RCAN2: variants seen among roughly 807,000 people sequenced by gnomAD.
The protein encoded by RCAN2 is calcipressin-2.
A neutral mutation model predicts 23.6 loss-of-function variants in RCAN2; 9 were observed. That is an observed-to-expected ratio of 0.38 (90% CI 0.23 to 0.67). The LOEUF (loss-of-function observed/expected upper bound fraction) is 0.67, where lower values mean the gene tolerates loss of function less well. Among genes scored for constraint, RCAN2 ranks in the 30% least tolerant of loss-of-function variants. RCAN2 has a pLI of 0.51. For missense variants in RCAN2, 273 were observed against 302.3 expected, an observed-to-expected ratio of 0.90 and a Z score of 0.72; for synonymous variants, 109 against 115.7, an observed-to-expected ratio of 0.94 and a Z score of 0.37.
intron 2 of RCAN2, among the ~76,000 whole-genome samples, chr6:46,404,735 G>C (rs545909208): frequency 6.6e-6 from 1 of 152,310 alleles, no homozygotes; most frequent in East Asian, 1.9e-4. Flanking sequence ...TAACCTGGTA[G>C]AGAAATGGAG....
At chr6:46,458,502 T>A (rs1768111010) in intron 1 of RCAN2, among the ~76,000 whole-genome samples, 1 of 152,138 alleles carries the variant, frequency 6.6e-6, no homozygotes, top group Non-Finnish European at 1.5e-5. Context: ...AAAATTTCTA[T>A]ATAAAATATA....
At chr6:46,331,680 T>C (rs1194047104) in intron 2 of RCAN2, among the ~76,000 whole-genome samples, 1 of 152,362 alleles carries the variant, frequency 6.6e-6, no homozygotes, top group Non-Finnish European at 1.5e-5. Flanking sequence ...TTTTAAGATA[T>C]CAATCTAGAG....
chr6:46,449,473 C>T (rs1300753416), intron 2 of RCAN2, among the ~76,000 whole-genome samples: 1 of 150,882 alleles, frequency 6.6e-6, no homozygotes, highest in African/African-American at 2.4e-5. Context: ...ATTCCAATAA[C>T]ATTTTTTCAC....
intron 4 of RCAN2, among the ~76,000 whole-genome samples, chr6:46,223,987 C>T (rs1370815371): frequency 6.6e-6 from 1 of 152,162 alleles, no homozygotes; most frequent in Non-Finnish European, 1.5e-5. Context: ...ATAAAGGCTA[C>T]AAGGTAGAAT....
intron 2 of RCAN2, among the ~76,000 whole-genome samples, chr6:46,410,127 T>TCTTTGGGCTTAGACTAAAAGTCTAGGC (rs1389327414): frequency 7.2e-5 from 11 of 152,200 alleles, no homozygotes; most frequent in East Asian, 3.9e-4. Flanking sequence ...CCCTCTAGGG[T>TCTTTGGGCTTAGACTAAAAGTCTAGGC]CTTTGGGCTT....
At chr6:46,274,101 G>A (rs1192180360) in intron 2 of RCAN2, among the ~76,000 whole-genome samples, 1 of 152,140 alleles carries the variant, frequency 6.6e-6, no homozygotes, top group Non-Finnish European at 1.5e-5. Flanking sequence ...CAGCATTTTG[G>A]CTGCCTTCCT....
intron 2 of RCAN2, among the ~76,000 whole-genome samples, chr6:46,266,176 T>C (rs1767321441): frequency 6.6e-6 from 1 of 152,192 alleles, no homozygotes; most frequent in South Asian, 2.1e-4. Flanking sequence ...TTAGAAGACA[T>C]GGGTTGGACC....
intron 1 of RCAN2, among the ~76,000 whole-genome samples, chr6:46,480,789 C>T (rs1203437953): frequency 6.6e-6 from 1 of 152,136 alleles, no homozygotes; most frequent in Non-Finnish European, 1.5e-5. Context: ...CCACACCCGG[C>T]TAATTTTTTG....
chr6:46,396,675 G>C (rs1766097985), intron 2 of RCAN2, among the ~76,000 whole-genome samples: 1 of 152,096 alleles, frequency 6.6e-6, no homozygotes, highest in South Asian at 2.1e-4. Context: ...TACATATTAT[G>C]AATATCATCC....
chr6:46,233,427 G>A (rs530484461), intron 4 of RCAN2, among the ~76,000 whole-genome samples: 1 of 152,232 alleles, frequency 6.6e-6, no homozygotes, highest in East Asian at 1.9e-4. Flanking sequence ...AAACACTGGT[G>A]GCCACTGTAG....
chr6:46,350,836 A>G (rs556981164), intron 2 of RCAN2, among the ~76,000 whole-genome samples: 1 of 152,236 alleles, frequency 6.6e-6, no homozygotes, highest in Admixed American at 6.5e-5. Context: ...ATCCCTTTAC[A>G]CTGCTAGTGA....
At chr6:46,343,970 A>G (rs1263540049) in intron 2 of RCAN2, among the ~76,000 whole-genome samples, 1 of 152,226 alleles carries the variant, frequency 6.6e-6, no homozygotes, top group Non-Finnish European at 1.5e-5. Context: ...AATTAAAAGA[A>G]GCAAGGCACC....
chr6:46,325,565 C>G, intron 2 of RCAN2: 1 of 1,569,314 alleles, frequency 6.4e-7, no homozygotes, highest in Non-Finnish European at 8.6e-7. Context: ...ATTGCTGTGG[C>G]CAGGCCTCGG....
chr6:46,268,354 T>A (rs545239459), intron 2 of RCAN2, among the ~76,000 whole-genome samples: 1 of 152,226 alleles, frequency 6.6e-6, no homozygotes, highest in African/African-American at 2.4e-5. Flanking sequence ...ATAGCAAATG[T>A]GTTCTTTAAT....
At chr6:46,285,974 T>C (rs1762361606) in intron 2 of RCAN2, among the ~76,000 whole-genome samples, 1 of 152,202 alleles carries the variant, frequency 6.6e-6, no homozygotes, top group Admixed American at 6.5e-5. Flanking sequence ...GCATGGTTAT[T>C]GTGAGAATTA....
intron 2 of RCAN2, among the ~76,000 whole-genome samples, chr6:46,259,461 G>A (rs1010981348): frequency 1.3e-5 from 2 of 152,080 alleles, no homozygotes; most frequent in African/African-American, 4.8e-5. Context: ...CAGGTTTTCA[G>A]AACAGCTAAA....
chr6:46,221,604 G>A lies in RCAN2; in HGVS notation c.*1537C>T, dbSNP rs931514724. The A allele has an allele frequency of 4.1e-6, 1 of 241,864 alleles. No individual in the cohort carries two copies. Among genetic ancestry groups the A allele is most frequent in the African/African-American group, 2.2e-5 (1 of 44,702 alleles). The allele number at this position is 241,864 out of a possible 1,614,324, so 15.0% of individuals were successfully genotyped here. ...TATATTGCTATATTCACAGTAAAAC[G>A]GACTTTAATTTCTGAGTGATCAGTC... is the stretch of plus-strand genomic sequence containing the variant. On this transcript the variant is annotated 3_prime_UTR_variant, in exon 5 of 5. Transcript: ENST00000371374.
intron 1 of RCAN2, among the ~76,000 whole-genome samples, chr6:46,464,916 A>G (rs1768329534): frequency 2.1e-5 from 1 of 47,764 alleles, no homozygotes; most frequent in Admixed American, 2.3e-4. Context: ...TGAAGTGCAA[A>G]AAAAAAAAAA....
chr6:46,361,322 T>C (rs2150383611), intron 2 of RCAN2, among the ~76,000 whole-genome samples: 1 of 152,280 alleles, frequency 6.6e-6, no homozygotes, highest in South Asian at 2.1e-4. Flanking sequence ...TAGCTAAAGA[T>C]GGAGGAATCT....
Sources: allele counts gnomAD v4.1 joint callset (sites outside exome capture counted in the v4.1 genomes callset), GRCh38; gene constraint gnomAD v4.1.1; transcripts MANE v1.5; gene names NCBI Gene and HGNC (gene_info 2026-07-23, HGNC 2026-07-21).